ZCCHC2: variants seen among roughly 807,000 people sequenced by gnomAD.
ZCCHC2 encodes zinc finger CCHC-type containing 2.
Under a neutral mutation model 103.6 loss-of-function variants are expected in ZCCHC2, and 39 were observed. The ratio of observed to expected loss-of-function variants is 0.38; its 90% CI spans 0.29 to 0.49. The LOEUF (loss-of-function observed/expected upper bound fraction) is 0.49, where lower values mean the gene tolerates loss of function less well. Ranked by LOEUF, ZCCHC2 falls within the 20% of genes least tolerant of loss-of-function variation. ZCCHC2 has a pLI of 0.96. For missense variants in ZCCHC2, 1,483 were observed against 1,491.0 expected (o/e 0.99, Z 0.09); for synonymous variants, 687 against 608.9 (o/e 1.13, Z -1.89).
At chr18:62,556,937 C>G (rs1479245369) in intron 6 of ZCCHC2, among the ~76,000 whole-genome samples, 1 of 152,224 alleles carries the variant, frequency 6.6e-6, no homozygotes, top group Non-Finnish European at 1.5e-5. Context: ...TCAGGCCTCA[C>G]TGTGACCTTC....
intron 9 of ZCCHC2, among the ~76,000 whole-genome samples, chr18:62,563,856 A>G (rs942595659): frequency 6.6e-6 from 1 of 152,094 alleles, no homozygotes; most frequent in African/African-American, 2.4e-5. Flanking sequence ...GTTTATTGAC[A>G]CTTCAGAATG....
intron 11 of ZCCHC2, among the ~76,000 whole-genome samples, chr18:62,568,141 A>G (rs1000732711): frequency 6.6e-6 from 1 of 152,094 alleles, no homozygotes; most frequent in Non-Finnish European, 1.5e-5. Flanking sequence ...TCTGTTGCCT[A>G]TGATTTATTT....
At chr18:62,564,714 AT>A in intron 10 of ZCCHC2, 79 bp downstream of exon 10, 8 of 1,085,030 alleles carry the variant, frequency 7.4e-6, no homozygotes, top group Admixed American at 3.2e-5. Flanking sequence ...ACAACATAGT[AT>A]TTTTTTAGTT....
At chr18:62,530,715 G>A (rs747028134) in intron 1 of ZCCHC2, among the ~76,000 whole-genome samples, 1 of 152,126 alleles carries the variant, frequency 6.6e-6, no homozygotes, top group Non-Finnish European at 1.5e-5. Context: ...TAAACCCAAA[G>A]GAAGGAATTC....
chr18:62,566,868 T>C (rs1916389892), intron 11 of ZCCHC2, among the ~76,000 whole-genome samples: 1 of 152,220 alleles, frequency 6.6e-6, no homozygotes, highest in Admixed American at 6.5e-5. Context: ...AGTACCTAGG[T>C]GTTCACTGCA....
chr18:62,523,294 G>A lies in ZCCHC2; in HGVS notation c.-131G>A. On this transcript the variant is annotated 5_prime_UTR_variant, in exon 1 of 14. Transcript: ENST00000269499. ...CCCTCGCCGGCCGAGACCCGCCCCC[G>A]GCCCCGGCCCTCCCCCGGCGGCATG... 1 of 328,996 alleles carries A rather than the reference G, an allele frequency of 3.0e-6. No homozygotes were observed. Among genetic ancestry groups the A allele is most frequent in the Non-Finnish European group, 4.1e-6 (1 of 246,704 alleles). The allele number at this position is 328,996 out of a possible 1,614,324, so 20.4% of individuals were successfully genotyped here.
At chr18:62,576,406 A>C in intron 13 of ZCCHC2, 106 bp from the exon 14 acceptor site, 2 of 912,726 alleles carry the variant, frequency 2.2e-6, no homozygotes, top group Non-Finnish European at 3.5e-6. Context: ...ACTAGAGCTG[A>C]CGAAGGTGCC....
rs1381184125 is a variant in ZCCHC2 at position 62,524,129 on chromosome 18, C to T, written c.705C>T (p.Gly235=). The T allele has an allele frequency of 3.2e-6, 5 of 1,539,968 alleles. No homozygotes were observed. The highest frequency in any genetic ancestry group is 1.7e-4 in the Middle Eastern group (1 of 5,860). ...GDGEQDAEKD[G]SGPEGGIVEP... Reference sequence around the variant, plus strand: ...GCGAGCAGGACGCCGAGAAGGACGGCTCAGGCCCGGAAGGCGGCATTGTGG... The same window carrying T: ...GCGAGCAGGACGCCGAGAAGGACGGTTCAGGCCCGGAAGGCGGCATTGTGG... Residue 235 remains glycine, a synonymous_variant, in exon 1 of 14, where the codon GGC becomes GGT. Transcript: ENST00000269499.
intron 1 of ZCCHC2, among the ~76,000 whole-genome samples, chr18:62,531,618 G>A (rs191579672): frequency 5.9e-4 from 89 of 151,994 alleles, no homozygotes; most frequent in Non-Finnish European, 1.0e-3. Flanking sequence ...TTCATAGAGC[G>A]ATTAGCACAA....
At chr18:62,533,741 G>A (rs530039955) in intron 1 of ZCCHC2, among the ~76,000 whole-genome samples, 19 of 151,856 alleles carry the variant, frequency 1.3e-4, no homozygotes, top group Non-Finnish European at 2.2e-4. Flanking sequence ...GCGTGGTGGT[G>A]CATGCCTATA....
intron 4 of ZCCHC2, among the ~76,000 whole-genome samples, chr18:62,545,490 A>G (rs1915372794): frequency 2.0e-5 from 3 of 152,196 alleles, no homozygotes; most frequent in African/African-American, 7.2e-5. Flanking sequence ...ATAAGAAGAT[A>G]ATAGAAACAT....
At chr18:62,548,807 C>T (rs1915530759) in intron 4 of ZCCHC2, among the ~76,000 whole-genome samples, 2 of 152,160 alleles carry the variant, frequency 1.3e-5, no homozygotes, top group Non-Finnish European at 1.5e-5. Context: ...CGTCTGTAAT[C>T]CCAGGTACTC....
intron 3 of ZCCHC2, among the ~76,000 whole-genome samples, chr18:62,542,978 T>A (rs758450430): frequency 1.6e-4 from 24 of 152,192 alleles, no homozygotes; most frequent in Non-Finnish European, 3.5e-4. Flanking sequence ...TACCCATGAT[T>A]GGTTTTGGTG....
intron 5 of ZCCHC2, among the ~76,000 whole-genome samples, chr18:62,552,904 A>AAG (rs1306270561): frequency 6.6e-6 from 1 of 150,864 alleles, no homozygotes; most frequent in Non-Finnish European, 1.5e-5. Context: ...AAAAAAAAAA[A>AAG]AAAGTATGTG....
chr18:62,544,766 A>G, intron 3 of ZCCHC2, 36 bp from the exon 4 acceptor site: 1 of 1,510,782 alleles, frequency 6.6e-7, no homozygotes, highest in Non-Finnish European at 8.9e-7. Flanking sequence ...CTGCCTAGGG[A>G]ATAACCATAT....
intron 1 of ZCCHC2, among the ~76,000 whole-genome samples, chr18:62,531,760 A>T (rs943469474): frequency 1.3e-5 from 2 of 150,860 alleles, no homozygotes; most frequent in African/African-American, 4.9e-5. Context: ...CAACTCTGAC[A>T]ACTTAGTGAG....
chr18:62,574,202 C>G lies in ZCCHC2; in HGVS notation c.2121C>G (p.Pro707=), dbSNP rs1407814975. 2 of 1,614,026 alleles carry G rather than the reference C, an allele frequency of 1.2e-6. No homozygotes were observed. Among genetic ancestry groups the G allele is most frequent in the Non-Finnish European group, 1.7e-6 (2 of 1,179,894 alleles). ...AGAATGGAAACCTTTTAGAAGATCCCTTAAACTCACCCAAGTATCAGCATA... is the reference window on the plus strand; with the variant it reads ...AGAATGGAAACCTTTTAGAAGATCCGTTAAACTCACCCAAGTATCAGCATA... ...GNENGNLLED[P]LNSPKYQHIS... The change falls in exon 13 of 14, where the codon CCC becomes CCG. Residue 707 remains proline (P), a synonymous_variant. Coordinates refer to ENST00000269499, the MANE Select transcript of ZCCHC2 (RefSeq NM_017742.6).
At chr18:62,546,663 T>A (rs1276578067) in intron 4 of ZCCHC2, among the ~76,000 whole-genome samples, 1 of 152,228 alleles carries the variant, frequency 6.6e-6, no homozygotes, top group Non-Finnish European at 1.5e-5. Context: ...AGCATGCAGC[T>A]GACCCCCAGC....
Position 62,542,499 on chromosome 18 carries a change from T to A in ZCCHC2, c.1053T>A (p.Ala351=), listed in dbSNP as rs1236305431. 1.9e-6 allele frequency: 3 copies of A among 1,559,330 alleles called. No homozygotes were observed. The Admixed American group carries it at 5.8e-5, about 30-fold the overall frequency. ...CACCGTGTGTTTTTTTTCTTTCAGC[T>A]GTACACATTGAGAAGATAATGTTGA... ...TVAPHRAQRE[A]VHIEKIMLKG... is the part of the protein sequence containing the mutation. Residue 351 remains alanine, a splice_region_variant and synonymous_variant, in exon 3 of 14, where the codon GCT becomes GCA. Transcript: ENST00000269499.
Sources: gnomAD v4.1 joint callset for allele counts (sites outside exome capture counted in the v4.1 genomes callset) on GRCh38, gnomAD v4.1.1 for gene constraint, MANE v1.5 for transcripts, NCBI Gene and HGNC (gene_info 2026-07-23, HGNC 2026-07-21) for gene names.